TCHH: variants seen among roughly 807,000 people sequenced by gnomAD.
The protein encoded by TCHH is trichohyalin.
In TCHH, 6 loss-of-function variants were observed where a neutral mutation model predicts 6.3. That is an observed-to-expected ratio of 0.95 (90% CI 0.52 to 1.88). The LOEUF (loss-of-function observed/expected upper bound fraction) is 1.88, where lower values mean the gene tolerates loss of function less well. Ranked by LOEUF, TCHH falls within the 40% of genes most tolerant of loss-of-function variation. The pLI is 0.01. For synonymous variants in TCHH, 1,087 were observed against 963.6 expected, an observed-to-expected ratio of 1.13 and a Z score of -2.37; for missense variants, 2,920 against 2,449.1, an observed-to-expected ratio of 1.19 and a Z score of -4.06.
Position 152,111,132 on chromosome 1 carries a change from C to T in TCHH, c.2085G>A (p.Glu695=), listed in dbSNP as rs770885071. 6.2e-6 allele frequency: 10 copies of T among 1,613,686 alleles called. No individual in the cohort carries two copies. The highest frequency in any genetic ancestry group is 8.5e-6 in the Non-Finnish European group (10 of 1,180,038). Reference sequence around the variant, plus strand: ...ACTTCGGGATGCGGCTCTTAATCCGCTCCCGGGCCTGTTCCTGCTCCTCCT... The same window carrying T: ...ACTTCGGGATGCGGCTCTTAATCCGTTCCCGGGCCTGTTCCTGCTCCTCCT... The part of the protein sequence containing the change: ...LAEEEQEQAR[E]RIKSRIPKWQ... Residue 695 remains glutamate (E), a synonymous_variant, in exon 3 of 3, where the codon GAG becomes GAA. Transcript: ENST00000614923.
rs1190405315 is a variant in TCHH at position 152,109,184 on chromosome 1, G to A, written c.4033C>T (p.Leu1345Phe). Residue 1345 changes from leucine to phenylalanine, a missense_variant, in exon 3 of 3, where the codon CTC becomes TTC. Coordinates refer to ENST00000614923, the MANE Select transcript of TCHH (RefSeq NM_007113.4). ...AGCGGCTGTTCCTCCCTTTCCTGGA[G>A]CAGCTGTTCCTCCTCGCGGAATTTT... The part of the protein sequence containing the change: ...DRKFREEEQL[L>F]QEREEQPLRR... 1.2e-6 allele frequency: 2 copies of A among 1,613,830 alleles called. No homozygotes were observed. The highest frequency in any genetic ancestry group is 1.7e-6 in the Non-Finnish European group (2 of 1,179,800).
In TCHH at chr1:152,107,796, C is replaced by G; in HGVS notation, c.5421G>C (p.Arg1807Ser). 6.2e-7 allele frequency: 1 copy of G among 1,614,140 alleles called. No individual in the cohort carries two copies. The highest frequency in any genetic ancestry group is 8.5e-7 in the Non-Finnish European group (1 of 1,179,988). Reference sequence around the variant, plus strand: ...GTTGGGGGCGCAGCTGCTGTTCTTCCCTCTCCTGGCGTAGCTGTTCCTCCT... The same window carrying G: ...GTTGGGGGCGCAGCTGCTGTTCTTCGCTCTCCTGGCGTAGCTGTTCCTCCT... ...FREEEQLRQEREEQQLRPQQR... is the reference protein window; with the variant it reads ...FREEEQLRQESEEQQLRPQQR... Residue 1807 changes from arginine (R) to serine (S), a missense_variant, in exon 3 of 3, where the codon AGG (arginine) becomes AGC (serine). Coordinates refer to ENST00000614923, the MANE Select transcript of TCHH (RefSeq NM_007113.4).
chr1:152,108,834 T>C lies in TCHH; in HGVS notation c.4383A>G (p.Arg1461=), dbSNP rs1658211641. 6.2e-7 allele frequency: 1 copy of C among 1,612,278 alleles called. No individual in the cohort carries two copies. Among genetic ancestry groups the C allele is most frequent in the African/African-American group, 1.3e-5 (1 of 74,206 alleles). Residue 1461 remains arginine, a synonymous_variant, in exon 3 of 3, where the codon AGA becomes AGG. Coordinates refer to ENST00000614923, the MANE Select transcript of TCHH (RefSeq NM_007113.4). ...EEQQLRQERH[R]KFREEEQLLQ... is the part of the protein sequence containing the mutation. Reference sequence around the variant, plus strand: ...GCAGCTGTTCCTCTTCGCGGAATTTTCTGTGACGCTCCTGGCGCAGCTGCT... The same window carrying C: ...GCAGCTGTTCCTCTTCGCGGAATTTCCTGTGACGCTCCTGGCGCAGCTGCT...
Position 152,111,699 on chromosome 1 carries a change from T to TTGCTGCTAGCGCCTCTCC in TCHH, c.1517_1518insGGAGAGGCGCTAGCAGCA (p.Gln506_Leu507insGluArgArgTer). ...GCCTCTCCTCTTGCTCCCGCCTTAG[T>TTGCTGCTAGCGCCTCTCC]TGCTGCTCGCGCCTCTCCTGCTGCT... On this transcript the variant is annotated stop_gained and inframe_insertion, in exon 3 of 3. Coordinates refer to ENST00000614923, the MANE Select transcript of TCHH (RefSeq NM_007113.4). LOFTEE classifies it low-confidence loss of function (END_TRUNC). 7.3e-7 allele frequency: 1 copy of TTGCTGCTAGCGCCTCTCC among 1,373,530 alleles called. No individual in the cohort carries two copies. Among genetic ancestry groups the TTGCTGCTAGCGCCTCTCC allele is most frequent in the Admixed American group, 2.0e-5 (1 of 49,814 alleles). The allele number at this position is 1,373,530 out of a possible 1,614,324, so 85.1% of individuals were successfully genotyped here. A position where few individuals can be genotyped will look rare whatever the true frequency, so the allele number is the denominator to read the frequency against.
rs758117430 is a variant in TCHH at position 152,111,167 on chromosome 1, C to T, written c.2050G>A (p.Glu684Lys). The T allele has an allele frequency of 6.2e-7, 1 of 1,613,832 alleles. No individual in the cohort carries two copies. The highest frequency in any genetic ancestry group is 1.7e-5 in the Admixed American group (1 of 60,010). Reference protein sequence around the residue: ...REHEEERREQELAEEEQEQAR... With the variant: ...REHEEERREQKLAEEEQEQAR... ...TGTTCCTGCTCCTCCTCAGCTAGCT[C>T]CTGCTCGCGCCTCTCTTCCTCATGC... The change falls in exon 3 of 3, where the codon GAG (glutamate) becomes AAG (lysine). Residue 684 changes from glutamate to lysine, a missense_variant. Physicochemically the swap from Glu to Lys is moderately conservative, Grantham distance 56. Transcript: ENST00000614923.
rs1281912137 is a variant in TCHH, at chr1:152,108,488, G to T, written c.4729C>A (p.Arg1577Ser). 1 of 1,612,598 alleles carries T rather than the reference G, an allele frequency of 6.2e-7. No individual in the cohort carries two copies. The highest frequency in any genetic ancestry group is 1.3e-5 in the African/African-American group (1 of 74,678). ...TCCTCTAAACGGAATTTTCTGTCAC[G>T]CTCTTGGCGGCTCAGCTGCTGTTCC... is the stretch of plus-strand genomic sequence containing the variant. ...REEQQLSRQE[R>S]DRKFRLEEQK... The change falls in exon 3 of 3, where the codon CGT becomes AGT. Residue 1577 changes from arginine to serine, a missense_variant. Physicochemically the swap from Arg to Ser is moderately radical, Grantham distance 110. Transcript: ENST00000614923.
At position 152,108,895 on chromosome 1, in the gene TCHH, C is replaced by A. The variant is rs759661158; in HGVS notation, c.4322G>T (p.Arg1441Leu). The change falls in exon 3 of 3, where the codon CGC (arginine) becomes CTC (leucine). Residue 1441 changes from arginine to leucine, a missense_variant. Coordinates refer to ENST00000614923, the MANE Select transcript of TCHH (RefSeq NM_007113.4). ...KFREEEQQVR[R>L]QERERKFLEE... Reference sequence around the variant, plus strand: ...CAGGAATTTTCTCTCTCGTTCCTGGCGGCGCACCTGCTGTTCCTCTTCACG... The same window carrying A: ...CAGGAATTTTCTCTCTCGTTCCTGGAGGCGCACCTGCTGTTCCTCTTCACG... 6.2e-7 allele frequency: 1 copy of A among 1,611,704 alleles called. No individual in the cohort carries two copies. The highest frequency in any genetic ancestry group is 1.3e-5 in the African/African-American group (1 of 74,130).
rs1377991066 is a variant in TCHH at position 152,112,493 on chromosome 1, C to T, written c.724G>A (p.Glu242Lys). ...ERQDRVFQEE[E>K]EKEWRKRETV... Reference sequence around the variant, plus strand: ...TCGCGCTTCCTCCACTCTTTCTCTTCTTCCTCCTGGAACACTCTGTCTTGC... The same window carrying T: ...TCGCGCTTCCTCCACTCTTTCTCTTTTTCCTCCTGGAACACTCTGTCTTGC... The change falls in exon 3 of 3, where the codon GAA becomes AAA. Residue 242 changes from glutamate (E) to lysine (K), a missense_variant. Glu to Lys is a moderately conservative substitution (Grantham distance 56). Coordinates refer to ENST00000614923, the MANE Select transcript of TCHH (RefSeq NM_007113.4). 3.1e-6 allele frequency: 5 copies of T among 1,613,612 alleles called. No homozygotes were observed. In the South Asian group the frequency reaches 3.3e-5, roughly 11 times the overall value.
Position 152,109,082 on chromosome 1 carries a change from C to G in TCHH, c.4135G>C (p.Glu1379Gln). 1 of 1,613,648 alleles carries G rather than the reference C, an allele frequency of 6.2e-7. No homozygotes were observed. Among genetic ancestry groups the G allele is most frequent in the South Asian group, 1.1e-5 (1 of 91,056 alleles). ...TCCTGGCGGCGCAGCCGCTGTTCCTCCTCGAGGAATTTTCTCCCTTGTTCC... is the reference window on the plus strand; with the variant it reads ...TCCTGGCGGCGCAGCCGCTGTTCCTGCTCGAGGAATTTTCTCCCTTGTTCC... ...HQEQGRKFLE[E>Q]EQRLRRQERE... The change falls in exon 3 of 3, where the codon GAG becomes CAG. Residue 1379 changes from glutamate (E) to glutamine (Q), a missense_variant. Coordinates refer to ENST00000614923, the MANE Select transcript of TCHH (RefSeq NM_007113.4).
In TCHH at chr1:152,109,372, T is replaced by C. The variant is rs1265441253; in HGVS notation, c.3845A>G (p.Glu1282Gly). 4 of 1,614,132 alleles carry C rather than the reference T, an allele frequency of 2.5e-6. No homozygotes were observed. Among genetic ancestry groups the C allele is most frequent in the Non-Finnish European group, 2.5e-6 (3 of 1,180,050 alleles). ...GTCGCGCTGCTGCCAGCGCCTCCTCTCTTGCTCACGATCTCGCTCTTGCTG... is the reference window on the plus strand; with the variant it reads ...GTCGCGCTGCTGCCAGCGCCTCCTCCCTTGCTCACGATCTCGCTCTTGCTG... The part of the protein sequence containing the change: ...GEQQERDREQ[E>G]RRRWQQRDRH... Residue 1282 changes from glutamate (E) to glycine (G), a missense_variant, in exon 3 of 3, where the codon GAG (glutamate) becomes GGG (glycine). Transcript: ENST00000614923.
At chr1:152,113,321 AAG>A (rs1658436849) in intron 2 of TCHH, among the ~76,000 whole-genome samples, 1 of 152,224 alleles carries the variant, frequency 6.6e-6, no homozygotes, top group African/African-American at 2.4e-5. Context: ...AGGAAGCAGG[AAG>A]AGAGACACAA....
rs746542117 is a variant in TCHH at position 152,110,755 on chromosome 1, C to T, written c.2462G>A (p.Arg821His). The T allele has an allele frequency of 1.9e-6, 3 of 1,608,266 alleles. No homozygotes were observed. In the East Asian group the frequency reaches 6.7e-5, roughly 36 times the overall value. The change falls in exon 3 of 3, where the codon CGC (arginine) becomes CAC (histidine). Residue 821 changes from arginine to histidine, a missense_variant. Arg to His is a conservative substitution (Grantham distance 29). Transcript: ENST00000614923. ...LPEEEEKEQRRRQRREREKEL... is the reference protein window; with the variant it reads ...LPEEEEKEQRHRQRREREKEL... The stretch of plus-strand genomic sequence containing the variant: ...TTTCTCCCTCTCGCGTCGCTGGCGG[C>T]GCCGCTGCTCCTTCTCCTCCTCCTC...
rs1485314627 is a variant in TCHH at position 152,109,507 on chromosome 1, T to C, written c.3710A>G (p.Asp1237Gly). 6.2e-7 allele frequency: 1 copy of C among 1,614,266 alleles called. No individual in the cohort carries two copies. Residue 1237 changes from aspartate to glycine, a missense_variant, in exon 3 of 3, where the codon GAT becomes GGT. By Grantham distance (94) the Asp-to-Gly change is moderately conservative. Coordinates refer to ENST00000614923, the MANE Select transcript of TCHH (RefSeq NM_007113.4). ...WEPEKENAVRDNKVYCKGREN... is the reference protein window; with the variant it reads ...WEPEKENAVRGNKVYCKGREN... ...TCTGCCTTTGCAGTAAACCTTGTTATCACGAACTGCATTTTCTTTTTCTGG... is the reference window on the plus strand; with the variant it reads ...TCTGCCTTTGCAGTAAACCTTGTTACCACGAACTGCATTTTCTTTTTCTGG...
Position 152,111,705 on chromosome 1 carries a change from C to G in TCHH, c.1512G>C (p.Glu504Asp), listed in dbSNP as rs767607155. 95 of 1,575,692 alleles carry G rather than the reference C, an allele frequency of 6.0e-5. No homozygotes were observed. In the Middle Eastern group the frequency reaches 1.5e-3, roughly 25 times the overall value. ...EERREQQERR[E>D]QQLRREQEER... ...CCTCTTGCTCCCGCCTTAGTTGCTG[C>G]TCGCGCCTCTCCTGCTGCTCGCGCC... Residue 504 changes from glutamate (E) to aspartate (D), a missense_variant, in exon 3 of 3, where the codon GAG (glutamate) becomes GAC (aspartate). By Grantham distance (45) the Glu-to-Asp change is conservative (BLOSUM62 2). Coordinates refer to ENST00000614923, the MANE Select transcript of TCHH (RefSeq NM_007113.4).
In TCHH at chr1:152,108,112, C is replaced by G. The variant is rs200776240; in HGVS notation, c.5105G>C (p.Arg1702Pro). The G allele has an allele frequency of 1.7e-4, 268 of 1,607,304 alleles. No homozygotes were observed. Among genetic ancestry groups the G allele is most frequent in the Non-Finnish European group, 2.1e-4 (252 of 1,178,496 alleles). Reference protein sequence around the residue: ...KFREEEQQLRRQERERKFLQE... With the variant: ...KFREEEQQLRPQERERKFLQE... ...GAGGAATTTTCTCTCTCGTTCCTGA[C>G]GGCGGAGCTGCTGTTCCTCTTCGCG... The change falls in exon 3 of 3, where the codon CGT becomes CCT. Residue 1702 changes from arginine (R) to proline (P), a missense_variant. Coordinates refer to ENST00000614923, the MANE Select transcript of TCHH (RefSeq NM_007113.4).
Position 152,110,069 on chromosome 1 carries a change from A to G in TCHH, c.3148T>C (p.Tyr1050His). The change falls in exon 3 of 3, where the codon TAT (tyrosine) becomes CAT (histidine). Residue 1050 changes from tyrosine (Y) to histidine (H), a missense_variant. Tyr to His is a moderately conservative substitution (Grantham distance 83, BLOSUM62 2). Coordinates refer to ENST00000614923, the MANE Select transcript of TCHH (RefSeq NM_007113.4). The stretch of plus-strand genomic sequence containing the variant: ...TGCTGCAGCTCCTCTTCCTCCCGAT[A>G]TTGCCTCTCCCGCTCCTGGAGTCTT... ...KRRLQERERQ[Y>H]REEEELQQEE... 6.2e-7 allele frequency: 1 copy of G among 1,604,542 alleles called. No individual in the cohort carries two copies. Among genetic ancestry groups the G allele is most frequent in the Non-Finnish European group, 8.5e-7 (1 of 1,177,584 alleles).
At position 152,111,465 on chromosome 1, in the gene TCHH, C is replaced by G. The variant is rs1658347440; in HGVS notation, c.1752G>C (p.Glu584Asp). The change falls in exon 3 of 3, where the codon GAG becomes GAC. Residue 584 changes from glutamate (E) to aspartate (D), a missense_variant. Coordinates refer to ENST00000614923, the MANE Select transcript of TCHH (RefSeq NM_007113.4). ...CGCGCTTCAGCCGCTGCTGGCGCCT[C>G]TCCTCCTCGCGCTTCAGCAGCTGAT... Reference protein sequence around the residue: ...RRDQLLKREEERRQQRLKREQ... With the variant: ...RRDQLLKREEDRRQQRLKREQ... 1 of 1,611,444 alleles carries G rather than the reference C, an allele frequency of 6.2e-7. No individual in the cohort carries two copies. The highest frequency in any genetic ancestry group is 1.7e-5 in the Admixed American group (1 of 59,866).
At position 152,111,217 on chromosome 1, in the gene TCHH, C is replaced by G; in HGVS notation, c.2000G>C (p.Arg667Thr). 1 of 1,611,424 alleles carries G rather than the reference C, an allele frequency of 6.2e-7. No homozygotes were observed. Among genetic ancestry groups the G allele is most frequent in the Non-Finnish European group, 8.5e-7 (1 of 1,179,106 alleles). ...QRLKREEEEE[R>T]LEQRLKREHE... ...CTCGCGCTTCAGCCGCTGCTCGAGC[C>G]TCTCTTCCTCCTCCTCGCGCTTCAG... The change falls in exon 3 of 3, where the codon AGG (arginine) becomes ACG (threonine). Residue 667 changes from arginine (R) to threonine (T), a missense_variant. Physicochemically the swap from Arg to Thr is moderately conservative, Grantham distance 71 (BLOSUM62 -1). Coordinates refer to ENST00000614923, the MANE Select transcript of TCHH (RefSeq NM_007113.4).
In TCHH at chr1:152,107,629, TC is replaced by T; in HGVS notation, c.5587del (p.Glu1863AsnfsTer39). The T allele has an allele frequency of 1.2e-6, 2 of 1,614,172 alleles. No individual in the cohort carries two copies. The highest frequency in any genetic ancestry group is 8.5e-7 in the Non-Finnish European group (1 of 1,180,044). The part of the protein sequence containing the change: ...TQEKSRREEQ[E>X]LWQEEEQKRR... ...TTTCTGCTCCTCTTCTTGCCATAGT[TC>T]TTGTTCCTCACGACGACTCTTCTCC... On this transcript the variant is annotated frameshift_variant, in exon 3 of 3. Coordinates refer to ENST00000614923, the MANE Select transcript of TCHH (RefSeq NM_007113.4). LOFTEE classifies it low-confidence loss of function (END_TRUNC).
Sources: gnomAD v4.1 joint callset for allele counts (sites outside exome capture counted in the v4.1 genomes callset) on GRCh38, gnomAD v4.1.1 for gene constraint, MANE v1.5 for transcripts, NCBI Gene and HGNC (gene_info 2026-07-23, HGNC 2026-07-21) for gene names.